The following ASIC2 variants were observed in gnomAD, a reference collection of about 807,000 sequenced individuals.
The protein encoded by ASIC2 is acid sensing ion channel subunit 2, also known as acid-sensing ion channel 2.
A neutral mutation model predicts 57.3 loss-of-function variants in ASIC2; 25 were observed. The ratio of observed to expected loss-of-function variants is 0.44; its 90% CI spans 0.32 to 0.61. The LOEUF is 0.61. Among genes scored for constraint, ASIC2 ranks in the 20% least tolerant of loss-of-function variants. The pLI, the probability that ASIC2 is intolerant of heterozygous loss-of-function variation, is 0.06. For synonymous variants in ASIC2, 319 were observed against 307.5 expected (o/e 1.04, Z -0.39); for missense variants, 641 against 738.1 (o/e 0.87, Z 1.52).
rs185282807 is a variant in ASIC2 at position 34,030,883 on chromosome 17, C to T, written c.555+125095G>A. On this transcript the variant is annotated intron_variant, in intron 1 of 9. Transcript: ENST00000359872. ...GCCAGGAAGCTCGAACTGGGTGGAG[C>T]CCACCACAGCTCAAGGAGGCCTGCC... is the stretch of plus-strand genomic sequence containing the variant. Among the ~76,000 whole-genome samples, 31 of 152,354 alleles carry T rather than the reference C, an allele frequency of 2.0e-4. 1 individual carries two copies. The East Asian group carries it at 6.0e-3, about 29-fold the overall frequency.
At chr17:33,889,699 T>C (rs1401913502) in intron 1 of ASIC2, among the ~76,000 whole-genome samples, 1 of 152,162 alleles carries the variant, frequency 6.6e-6, no homozygotes, top group Admixed American at 6.5e-5. Context: ...GCGTCCATTG[T>C]TAGGTTGGGC....
intron 1 of ASIC2, among the ~76,000 whole-genome samples, chr17:33,377,396 C>T (rs1304949270): frequency 2.6e-5 from 4 of 152,212 alleles, no homozygotes; most frequent in Non-Finnish European, 2.9e-5. Flanking sequence ...ATACTTCTTA[C>T]AAGTGAAAGA....
intron 1 of ASIC2, among the ~76,000 whole-genome samples, chr17:33,632,070 A>G (rs140443967): frequency 3.3e-5 from 5 of 152,290 alleles, no homozygotes; most frequent in Admixed American, 2.0e-4. Context: ...ACTGGGTTCA[A>G]TTCCTGGTTC....
At chr17:33,393,466 A>T (rs1475148752) in intron 1 of ASIC2, among the ~76,000 whole-genome samples, 2 of 152,030 alleles carry the variant, frequency 1.3e-5, no homozygotes, top group Admixed American at 6.6e-5. Context: ...GCCTTCTCTA[A>T]CCACCTGAGC....
intron 1 of ASIC2, among the ~76,000 whole-genome samples, chr17:34,036,458 C>T (rs1173429588): frequency 6.6e-6 from 1 of 151,198 alleles, no homozygotes; most frequent in East Asian, 2.0e-4. Flanking sequence ...ACCAACATGG[C>T]ACATGTATAC....
chr17:33,730,374 C>T (rs34675115), intron 1 of ASIC2, among the ~76,000 whole-genome samples: 2,709 of 152,214 alleles, frequency 0.018, 31 homozygotes, highest in Middle Eastern at 0.027. Flanking sequence ...GGACTAATTG[C>T]GGGAGGAGAA....
chr17:33,190,612 C>A (rs529971626), intron 1 of ASIC2, among the ~76,000 whole-genome samples: 2 of 152,292 alleles, frequency 1.3e-5, no homozygotes, highest in South Asian at 2.1e-4. Context: ...GACGGACTTA[C>A]ACTGTCTAAG....
At chr17:33,715,375 G>A (rs756991150) in intron 1 of ASIC2, among the ~76,000 whole-genome samples, 7 of 152,164 alleles carry the variant, frequency 4.6e-5, no homozygotes, top group Non-Finnish European at 8.8e-5. Context: ...AATTCCCATG[G>A]GAACGTGGCT....
chr17:33,317,850 T>A (rs191321090), intron 1 of ASIC2, among the ~76,000 whole-genome samples: 116 of 152,020 alleles, frequency 7.6e-4, no homozygotes, highest in South Asian at 1.5e-3. Flanking sequence ...GCTGGGCTTT[T>A]GATTTTTGTG....
intron 1 of ASIC2, among the ~76,000 whole-genome samples, chr17:33,437,014 C>A (rs575064317): frequency 1.0e-3 from 152 of 151,118 alleles, no homozygotes; most frequent in South Asian, 6.1e-3. Flanking sequence ...TACAGGCGCC[C>A]GCTACCACGC....
intron 1 of ASIC2, among the ~76,000 whole-genome samples, chr17:33,821,295 C>T (rs145290796): frequency 7.2e-5 from 11 of 152,294 alleles, no homozygotes; most frequent in South Asian, 4.1e-4. Flanking sequence ...ACTGCAGAGA[C>T]GAGGAGTTCT....
chr17:33,527,003 C>T (rs541042982), intron 1 of ASIC2, among the ~76,000 whole-genome samples: 10 of 152,288 alleles, frequency 6.6e-5, no homozygotes, highest in East Asian at 3.9e-4. Context: ...TTTTATATTT[C>T]GGGGGTGATG....
At chr17:33,625,225 GTCTA>G (rs762537601) in intron 1 of ASIC2, among the ~76,000 whole-genome samples, 18 of 149,396 alleles carry the variant, frequency 1.2e-4, no homozygotes, top group Admixed American at 4.7e-4. Flanking sequence ...CTATCTATCT[GTCTA>G]TCTATCTATC....
intron 1 of ASIC2, among the ~76,000 whole-genome samples, chr17:33,245,798 ATAGGC>A (rs1415035599): frequency 6.6e-6 from 1 of 152,230 alleles, no homozygotes; most frequent in Non-Finnish European, 1.5e-5. Flanking sequence ...AGATGAGGCC[ATAGGC>A]TAAGGCAGAT....
intron 1 of ASIC2, among the ~76,000 whole-genome samples, chr17:33,810,348 T>C (rs535861326): frequency 7.2e-5 from 11 of 152,312 alleles, no homozygotes; most frequent in South Asian, 2.1e-4. Context: ...TTAGAATCAT[T>C]TGGGGATCTT....
chr17:33,822,139 A>G (rs2141893661), intron 1 of ASIC2, among the ~76,000 whole-genome samples: 1 of 152,350 alleles, frequency 6.6e-6, no homozygotes. Flanking sequence ...GCAAGAACAC[A>G]GAACCTGACA....
chr17:33,634,261 T>G (rs1330941283), intron 1 of ASIC2, among the ~76,000 whole-genome samples: 1 of 152,180 alleles, frequency 6.6e-6, no homozygotes, highest in Non-Finnish European at 1.5e-5. Context: ...GGATAATTGC[T>G]TCTGTCTGAT....
chr17:33,520,621 G>A (rs1275182791), intron 1 of ASIC2, among the ~76,000 whole-genome samples: 2 of 152,216 alleles, frequency 1.3e-5, no homozygotes, highest in African/African-American at 4.8e-5. Flanking sequence ...ACGAGAGGGC[G>A]GCAGTGAGCC....
intron 1 of ASIC2, among the ~76,000 whole-genome samples, chr17:33,429,785 T>A (rs1032023042): frequency 1.3e-5 from 2 of 152,162 alleles, no homozygotes; most frequent in Non-Finnish European, 2.9e-5. Context: ...AGGTATAATG[T>A]ACAGATATAA....
Sources: gnomAD v4.1 joint callset for allele counts (sites outside exome capture counted in the v4.1 genomes callset) on GRCh38, gnomAD v4.1.1 for gene constraint, MANE v1.5 for transcripts, NCBI Gene and HGNC (gene_info 2026-07-23, HGNC 2026-07-21) for gene names.